Variants in MYO1D observed in about 807,000 individuals in gnomAD.
MYO1D encodes unconventional myosin-Id.
In MYO1D, 83 loss-of-function variants were observed where a neutral mutation model predicts 122.0. The ratio of observed to expected loss-of-function variants is 0.68; its 90% CI spans 0.57 to 0.82. MYO1D has a LOEUF of 0.82. Among genes scored for constraint, MYO1D ranks in the 40% least tolerant of loss-of-function variants. The probability of loss-of-function intolerance (pLI) is 0.00; values close to 1 mark genes in which losing one functional copy is unlikely to be tolerated. For missense variants in MYO1D, 1,157 were observed against 1,269.5 expected (o/e 0.91, Z 1.35); for synonymous variants, 464 against 446.9 (o/e 1.04, Z -0.48).
intron 21 of MYO1D, among the ~76,000 whole-genome samples, chr17:32,535,140 A>T (rs1910623790): frequency 6.6e-6 from 1 of 152,184 alleles, no homozygotes; most frequent in Non-Finnish European, 1.5e-5. Context: ...CATGTATGTT[A>T]TTTCTATTAG....
At chr17:32,591,135 C>T (rs917087589) in intron 21 of MYO1D, among the ~76,000 whole-genome samples, 11 of 152,206 alleles carry the variant, frequency 7.2e-5, no homozygotes, top group African/African-American at 2.4e-4. Flanking sequence ...CAAGGGCAGC[C>T]GCTTCTCAGT....
chr17:32,874,997 T>C (rs2091216570), intron 1 of MYO1D, among the ~76,000 whole-genome samples: 1 of 152,252 alleles, frequency 6.6e-6, no homozygotes, highest in African/African-American at 2.4e-5. Flanking sequence ...TGTAGCCCTG[T>C]TAGACTCTAT....
chr17:32,526,456 T>C (rs1261667296), intron 21 of MYO1D, among the ~76,000 whole-genome samples: 1 of 152,198 alleles, frequency 6.6e-6, no homozygotes, highest in Non-Finnish European at 1.5e-5. Context: ...AGTGTGCATA[T>C]ATGTATGAAA....
intron 21 of MYO1D, among the ~76,000 whole-genome samples, chr17:32,590,487 G>C (rs1466895865): frequency 6.6e-6 from 1 of 152,194 alleles, no homozygotes; most frequent in East Asian, 1.9e-4. Context: ...CTTTTCATGG[G>C]ATTAAGAGCT....
At chr17:32,830,251 G>T (rs950675181) in intron 1 of MYO1D, 3 of 152,080 alleles carry the variant, frequency 2.0e-5, no homozygotes, top group Admixed American at 6.6e-5. Context: ...GTGAGAAGGG[G>T]GTAAAGAGTA....
chr17:32,632,576 TATATATATATACACACACACAC>T (rs1009205633), intron 20 of MYO1D: 5 of 109,062 alleles, frequency 4.6e-5, no homozygotes, highest in African/African-American at 2.4e-4. Context: ...TATATATATA[TATATATATATACACACACACAC>T]ACACACACAC....
At chr17:32,581,763 G>T (rs1424729924) in intron 21 of MYO1D, among the ~76,000 whole-genome samples, 2 of 151,788 alleles carry the variant, frequency 1.3e-5, no homozygotes, top group Non-Finnish European at 2.9e-5. Context: ...GTGTGTGTGT[G>T]TGTGTATGTG....
chr17:32,721,594 A>G (rs772589136), intron 14 of MYO1D, among the ~76,000 whole-genome samples: 4 of 152,212 alleles, frequency 2.6e-5, no homozygotes, highest in Non-Finnish European at 5.9e-5. Flanking sequence ...GTTAATGTTA[A>G]TATTATGTTA....
intron 14 of MYO1D, among the ~76,000 whole-genome samples, chr17:32,730,360 T>C (rs538025398): frequency 1.7e-4 from 26 of 152,290 alleles, no homozygotes; most frequent in Non-Finnish European, 2.9e-4. Context: ...GTATTTTCCA[T>C]TCCACAAAAT....
chr17:32,664,662 A>G (rs971541682), intron 16 of MYO1D, among the ~76,000 whole-genome samples: 1 of 152,172 alleles, frequency 6.6e-6, no homozygotes, highest in African/African-American at 2.4e-5. Flanking sequence ...GCATACTGAC[A>G]GAGGAGCAAG....
At chr17:32,858,122 A>G (rs1231569736) in intron 1 of MYO1D, among the ~76,000 whole-genome samples, 1 of 152,210 alleles carries the variant, frequency 6.6e-6, no homozygotes, top group Non-Finnish European at 1.5e-5. Flanking sequence ...GGCCACATAG[A>G]CCAATATTCC....
At chr17:32,772,881 T>G (rs1307205093) in intron 4 of MYO1D, 39 bp from the exon 5 acceptor site, 1 of 1,571,066 alleles carries the variant, frequency 6.4e-7, no homozygotes, top group Non-Finnish European at 8.8e-7. Flanking sequence ...CCCGAAAATG[T>G]GCCCCTAAAA....
rs141573783 is a variant in MYO1D, at chr17:32,857,763, C to T, written c.95+19015G>A. 5.2e-3 allele frequency among the ~76,000 whole-genome samples: 792 copies of T among 152,250 alleles called. 5 individuals are homozygous for T. The highest frequency in any genetic ancestry group is 8.9e-3 in the Non-Finnish European group (607 of 68,016). On this transcript the variant is annotated intron_variant, in intron 1 of 21. Coordinates refer to ENST00000318217, the MANE Select transcript of MYO1D (RefSeq NM_015194.3). ...CCAGCATTCAGCCCAATCCCTTAAT[C>T]AATAAAGGCCTTCCTTAACCACCAA...
At chr17:32,787,332 T>A (rs1247611011) in intron 1 of MYO1D, among the ~76,000 whole-genome samples, 1 of 152,206 alleles carries the variant, frequency 6.6e-6, no homozygotes, top group Admixed American at 6.5e-5. Context: ...GTGGGTTTTG[T>A]TTACATGGGT....
chr17:32,553,655 C>G (rs1002344492), intron 21 of MYO1D, among the ~76,000 whole-genome samples: 6 of 152,206 alleles, frequency 3.9e-5, no homozygotes, highest in African/African-American at 1.4e-4. Flanking sequence ...TTCTGCTTCT[C>G]CTACTTCTTT....
intron 16 of MYO1D, among the ~76,000 whole-genome samples, chr17:32,688,920 A>T (rs867957226): frequency 2.7e-5 from 4 of 146,458 alleles, no homozygotes; most frequent in Non-Finnish European, 3.0e-5. Context: ...TGATTTTTGA[A>T]GTGTGTGTGT....
rs2091242178 is a variant in MYO1D, at chr17:32,877,055, G to A, written c.-183C>T. 1 of 235,600 alleles carries A rather than the reference G, an allele frequency of 4.2e-6. No individual in the cohort carries two copies. Among genetic ancestry groups the A allele is most frequent in the Non-Finnish European group, 8.1e-6 (1 of 124,072 alleles). The allele number at this position is 235,600 out of a possible 1,614,324, so 14.6% of individuals were successfully genotyped here. A position where few individuals can be genotyped will look rare whatever the true frequency, so the allele number is the denominator to read the frequency against. On this transcript the variant is annotated 5_prime_UTR_variant, in exon 1 of 22. Coordinates refer to ENST00000318217, the MANE Select transcript of MYO1D (RefSeq NM_015194.3). The stretch of plus-strand genomic sequence containing the variant: ...CCTCGCTGCTCCTCGGCGCCTTCTC[G>A]GCCGGCGCGGCTCCGAACGGGACGC...
chr17:32,812,613 A>G (rs1368079781), intron 1 of MYO1D, among the ~76,000 whole-genome samples: 2 of 152,192 alleles, frequency 1.3e-5, no homozygotes, highest in Non-Finnish European at 2.9e-5. Context: ...AACTGGAGAG[A>G]CAAGTAGAGT....
Position 32,493,158 on chromosome 17 carries a change from T to C in MYO1D, c.*1601A>G, listed in dbSNP as rs2285428. Reference sequence around the variant, plus strand: ...TTGGCAAAACTATGAGTGTTGCTAATCTGGGCTGAGGGCACCTCTGCCTGT... The same window carrying C: ...TTGGCAAAACTATGAGTGTTGCTAACCTGGGCTGAGGGCACCTCTGCCTGT... On this transcript the variant is annotated 3_prime_UTR_variant, in exon 22 of 22. Transcript: ENST00000318217. 97,140 of 152,336 alleles carry C rather than the reference T, an allele frequency of 0.64. 32,693 individuals are homozygous for C. The highest frequency in any genetic ancestry group is 0.82 in the African/African-American group (34,253 of 41,540). 9.4% of individuals were successfully genotyped at this position (152,336 alleles called of 1,614,324 possible).
Sources: gnomAD v4.1 joint callset for allele counts (sites outside exome capture counted in the v4.1 genomes callset) on GRCh38, gnomAD v4.1.1 for gene constraint, MANE v1.5 for transcripts, NCBI Gene and HGNC (gene_info 2026-07-23, HGNC 2026-07-21) for gene names.